The following BRD7 variants were observed in gnomAD, a reference collection of about 807,000 sequenced individuals.
BRD7 encodes bromodomain-containing protein 7.
Under a neutral mutation model 82.1 loss-of-function variants are expected in BRD7, and 15 were observed. The ratio of observed to expected loss-of-function variants is 0.18; its 90% CI spans 0.12 to 0.28. The LOEUF is 0.28. Ranked by LOEUF, BRD7 falls within the 10% of genes least tolerant of loss-of-function variation. BRD7 has a pLI of 1.00. For missense variants in BRD7, 638 were observed against 779.9 expected (o/e 0.82, Z 2.17); for synonymous variants, 232 against 266.9 (o/e 0.87, Z 1.27).
In BRD7 at chr16:50,368,806, G is replaced by A. The variant is rs766074174; in HGVS notation, c.-32C>T. ...CCGGGCCCCGGTGCCCGCCCCCCGC[G>A]CCAGGCCCAGGCCGTGCGGCGCCGC... On this transcript the variant is annotated 5_prime_UTR_variant, in exon 1 of 17. Coordinates refer to ENST00000394688, the MANE Select transcript of BRD7 (RefSeq NM_013263.5). The A allele has an allele frequency of 1.1e-5, 16 of 1,506,030 alleles. No homozygotes were observed. In the South Asian group the frequency reaches 1.3e-4, roughly 12 times the overall value. 93.3% of individuals were successfully genotyped at this position (1,506,030 alleles called of 1,614,324 possible). A position where few individuals can be genotyped will look rare whatever the true frequency, so the allele number is the denominator to read the frequency against.
At position 50,320,267 on chromosome 16, in the gene BRD7, T is replaced by C; in HGVS notation, c.1737A>G (p.Ser579=). Residue 579 remains serine, a synonymous_variant, in exon 15 of 17, where the codon TCA becomes TCG. Transcript: ENST00000394688. ...ACATACCAAGATGCATTTCTCTGTATGAGGGACCCAAGAGACAGATCATGT... is the reference window on the plus strand; with the variant it reads ...ACATACCAAGATGCATTTCTCTGTACGAGGGACCCAAGAGACAGATCATGT... ...PPNMICLLGP[S]YREMHLAEQV... is the part of the protein sequence containing the mutation. 6.2e-7 allele frequency: 1 copy of C among 1,613,402 alleles called. No homozygotes were observed. Among genetic ancestry groups the C allele is most frequent in the Non-Finnish European group, 8.5e-7 (1 of 1,179,822 alleles).
chr16:50,366,769 G>A (rs900380573), intron 2 of BRD7, among the ~76,000 whole-genome samples: 3 of 152,184 alleles, frequency 2.0e-5, no homozygotes, highest in Non-Finnish European at 1.5e-5. Context: ...TAGTACTCTT[G>A]ACTTTTAAAA....
chr16:50,318,915 A>T lies in BRD7; in HGVS notation c.*296T>A. ...AAATCTCACTGGATGGGGCCGTTTT[A>T]AGAACGCTTCTTAGTGATGATCCTG... On this transcript the variant is annotated 3_prime_UTR_variant, in exon 17 of 17. Transcript: ENST00000394688. 1.1e-5 allele frequency: 3 copies of T among 284,862 alleles called. No individual in the cohort carries two copies. Among genetic ancestry groups the T allele is most frequent in the Non-Finnish European group, 2.0e-5 (3 of 153,736 alleles). The allele number at this position is 284,862 out of a possible 1,614,324, so 17.6% of individuals were successfully genotyped here. A position where few individuals can be genotyped will look rare whatever the true frequency, so the allele number is the denominator to read the frequency against.
At chr16:50,351,387 C>T (rs562817613) in intron 4 of BRD7, among the ~76,000 whole-genome samples, 1 of 152,330 alleles carries the variant, frequency 6.6e-6, no homozygotes, top group South Asian at 2.1e-4. Flanking sequence ...AGCAAAAATA[C>T]ATAGTCAGGA....
intron 11 of BRD7, among the ~76,000 whole-genome samples, chr16:50,324,387 A>G (rs2037246827): frequency 6.6e-6 from 1 of 151,998 alleles, no homozygotes; most frequent in Non-Finnish European, 1.5e-5. Context: ...AGCCAGGGTG[A>G]TCCTTTAAAC....
chr16:50,347,933 A>G (rs1232137739), intron 5 of BRD7, among the ~76,000 whole-genome samples: 1 of 152,216 alleles, frequency 6.6e-6, no homozygotes, highest in Non-Finnish European at 1.5e-5. Flanking sequence ...ATGGAACCAA[A>G]AAAGAGCCTG....
At chr16:50,361,692 A>C (rs1027462448) in intron 2 of BRD7, 5 of 152,156 alleles carry the variant, frequency 3.3e-5, no homozygotes, top group Non-Finnish European at 7.4e-5. Context: ...CCTACTGACT[A>C]CATACTGAAG....
chr16:50,351,237 C>CTGAG (rs1163625693), intron 4 of BRD7, among the ~76,000 whole-genome samples: 2 of 152,166 alleles, frequency 1.3e-5, no homozygotes, highest in Admixed American at 1.3e-4. Context: ...CCGGAGGATA[C>CTGAG]TGAGGCTCAG....
At chr16:50,346,226 A>G (rs1228215092) in intron 5 of BRD7, among the ~76,000 whole-genome samples, 1 of 152,252 alleles carries the variant, frequency 6.6e-6, no homozygotes, top group Admixed American at 6.5e-5. Context: ...ACCAATGAGA[A>G]CAAACACACA....
chr16:50,319,849 A>T lies in BRD7; in HGVS notation c.1900+38T>A, dbSNP rs750361651. 6.2e-6 allele frequency: 10 copies of T among 1,602,044 alleles called. No individual in the cohort carries two copies. The Admixed American group carries it at 1.7e-4, about 27-fold the overall frequency. On this transcript the variant is annotated intron_variant, in intron 16 of 16. Transcript: ENST00000394688. Reference sequence around the variant, plus strand: ...ACACTGAGGGATGACTATAGTCACCATAGCTTTCTGCTTTCCCAGAGAAAA... The same window carrying T: ...ACACTGAGGGATGACTATAGTCACCTTAGCTTTCTGCTTTCCCAGAGAAAA...
chr16:50,368,080 C>T lies in BRD7; in HGVS notation c.258+10G>A, dbSNP rs1293363547. ...CGTCCGCAAAGCCAAAGCAATGTAA[C>T]CACTTGTACCTTAACTCTTCTCCGT... On this transcript the variant is annotated intron_variant, in intron 2 of 16. Coordinates refer to ENST00000394688, the MANE Select transcript of BRD7 (RefSeq NM_013263.5). 2.5e-6 allele frequency: 4 copies of T among 1,608,970 alleles called. No individual in the cohort carries two copies. Among genetic ancestry groups the T allele is most frequent in the Non-Finnish European group, 3.4e-6 (4 of 1,177,118 alleles).
At position 50,368,376 on chromosome 16, in the gene BRD7, G is replaced by A. The variant is rs1597110756; in HGVS notation, c.50-78C>T. On this transcript the variant is annotated intron_variant, in intron 1 of 16. Coordinates refer to ENST00000394688, the MANE Select transcript of BRD7 (RefSeq NM_013263.5). Reference sequence around the variant, plus strand: ...CTCCAGGGAGTGCTAAGGATGCAGAGCGCCAAGGCGCAGCAAGCCCGAGGC... The same window carrying A: ...CTCCAGGGAGTGCTAAGGATGCAGAACGCCAAGGCGCAGCAAGCCCGAGGC... 4 of 1,453,560 alleles carry A rather than the reference G, an allele frequency of 2.8e-6. No individual in the cohort carries two copies. The East Asian group carries it at 7.0e-5, about 25-fold the overall frequency. The allele number at this position is 1,453,560 out of a possible 1,614,324, so 90.0% of individuals were successfully genotyped here.
intron 6 of BRD7, 97 bp from the exon 7 acceptor site, chr16:50,334,992 T>C (rs2037739289): frequency 8.3e-7 from 1 of 1,205,016 alleles, no homozygotes; most frequent in Non-Finnish European, 1.1e-6. Flanking sequence ...ATCCTGTCAT[T>C]AACCAGGGAA....
At position 50,349,934 on chromosome 16, in the gene BRD7, T is replaced by C. The variant is rs910543622; in HGVS notation, c.591+89A>G. 15 of 1,218,720 alleles carry C rather than the reference T, an allele frequency of 1.2e-5. No individual in the cohort carries two copies. In the South Asian group the frequency reaches 1.8e-4, roughly 14 times the overall value. 75.5% of individuals were successfully genotyped at this position (1,218,720 alleles called of 1,614,324 possible). On this transcript the variant is annotated intron_variant, in intron 5 of 16. Coordinates refer to ENST00000394688, the MANE Select transcript of BRD7 (RefSeq NM_013263.5). The stretch of plus-strand genomic sequence containing the variant: ...GGATCTTAAAATAAACTCAATTCTT[T>C]GCAAAATAAAAGGTCAATGAGAAAG...
intron 4 of BRD7, among the ~76,000 whole-genome samples, chr16:50,352,487 A>G (rs2038568284): frequency 1.3e-5 from 2 of 152,224 alleles, no homozygotes; most frequent in African/African-American, 4.8e-5. Context: ...GCTACTATGA[A>G]TAGCACTGCA....
At chr16:50,347,877 C>T (rs1384188010) in intron 5 of BRD7, among the ~76,000 whole-genome samples, 1 of 152,132 alleles carries the variant, frequency 6.6e-6, no homozygotes, top group African/African-American at 2.4e-5. Context: ...ATCAAGCTAC[C>T]AATGACTTTC....
At position 50,368,727 on chromosome 16, in the gene BRD7, C is replaced by T. The variant is rs756836812; in HGVS notation, c.48G>A (p.Glu16=). The change falls in exon 1 of 17, where the codon GAG becomes GAA. Residue 16 remains glutamate, a splice_region_variant and synonymous_variant. Coordinates refer to ENST00000394688, the MANE Select transcript of BRD7 (RefSeq NM_013263.5). ...KKHKSDKHLY[E]EYVEKPLKLV... ...CCCGCACCCCGGCCCCCTCCTCACCCTCGTAGAGGTGTTTGTCCGACTTGT... is the reference window on the plus strand; with the variant it reads ...CCCGCACCCCGGCCCCCTCCTCACCTTCGTAGAGGTGTTTGTCCGACTTGT... 59 of 1,558,430 alleles carry T rather than the reference C, an allele frequency of 3.8e-5. No individual in the cohort carries two copies. In the East Asian group the frequency reaches 9.2e-4, roughly 24 times the overall value.
At chr16:50,319,843 G>A (rs761715976) in intron 16 of BRD7, 44 bp downstream of exon 16, 1 of 1,593,218 alleles carries the variant, frequency 6.3e-7, no homozygotes, top group East Asian at 2.2e-5. Flanking sequence ...GATGACTATA[G>A]TCACCATAGC....
intron 8 of BRD7, among the ~76,000 whole-genome samples, chr16:50,331,496 G>A (rs561560507): frequency 1.4e-4 from 22 of 152,298 alleles, no homozygotes; most frequent in African/African-American, 5.3e-4. Flanking sequence ...GAGTTCAGGA[G>A]TTTGAGACCT....
Sources: gnomAD v4.1 joint callset for allele counts (sites outside exome capture counted in the v4.1 genomes callset) on GRCh38, gnomAD v4.1.1 for gene constraint, MANE v1.5 for transcripts, NCBI Gene and HGNC (gene_info 2026-07-23, HGNC 2026-07-21) for gene names.